CPNE5: variants seen among roughly 807,000 people sequenced by gnomAD.
CPNE5 encodes the protein copine-5.
CPNE5 carries 42 observed loss-of-function variants against 81.1 expected under a neutral mutation model. The observed-to-expected ratio is 0.52, with a 90% confidence interval of 0.40 to 0.67. The LOEUF (loss-of-function observed/expected upper bound fraction) is 0.67, where lower values mean the gene tolerates loss of function less well. CPNE5 is among the 30% of genes least tolerant of loss of function. The pLI is 0.00. For synonymous variants in CPNE5, 313 were observed against 321.5 expected, an observed-to-expected ratio of 0.97 and a Z score of 0.28; for missense variants, 612 against 815.5, an observed-to-expected ratio of 0.75 and a Z score of 3.04.
rs565476351 is a variant in CPNE5 at position 36,810,617 on chromosome 6, G to A, written c.184-10547C>T. On this transcript the variant is annotated intron_variant, in intron 3 of 20. Coordinates refer to ENST00000244751, the MANE Select transcript of CPNE5 (RefSeq NM_020939.2). ...AGGGCCTGGGGAGGCGGAGGAGCAC[G>A]GAGGATCTGGCCATGCCAGGCCTGC... is the stretch of plus-strand genomic sequence containing the variant. Among the ~76,000 whole-genome samples the A allele has an allele frequency of 1.6e-3, 249 of 152,304 alleles. 1 individual carries two copies. Among genetic ancestry groups the A allele is most frequent in the African/African-American group, 5.3e-3 (219 of 41,570 alleles).
chr6:36,782,981 A>G (rs1025082915), intron 8 of CPNE5, among the ~76,000 whole-genome samples: 25 of 152,094 alleles, frequency 1.6e-4, no homozygotes, highest in African/African-American at 5.6e-4. Flanking sequence ...GTAATGTAGA[A>G]GAATAGCGCC....
intron 1 of CPNE5, among the ~76,000 whole-genome samples, chr6:36,837,042 A>C (rs1008791865): frequency 6.6e-6 from 1 of 152,218 alleles, no homozygotes; most frequent in Non-Finnish European, 1.5e-5. Context: ...AAGGCCTCTT[A>C]TGCAAGAGGT....
At chr6:36,792,486 A>C in intron 7 of CPNE5, 1 of 964,972 alleles carries the variant, frequency 1.0e-6, no homozygotes, top group Non-Finnish European at 1.5e-6. Flanking sequence ...ACCCCACCTC[A>C]CACCCAGCTG....
chr6:36,748,101 C>A, intron 15 of CPNE5, 120 bp downstream of exon 15: 1 of 909,508 alleles, frequency 1.1e-6, no homozygotes, highest in Non-Finnish European at 1.8e-6. Flanking sequence ...CTAGGTACAT[C>A]CTCTTTGGTG....
At chr6:36,828,308 C>CAAAAAAAAAA (rs11444450) in intron 1 of CPNE5, among the ~76,000 whole-genome samples, 7 of 78,648 alleles carry the variant, frequency 8.9e-5, no homozygotes, top group African/African-American at 2.4e-4. Flanking sequence ...AACAACAAAC[C>CAAAAAAAAAA]AAAAAAAAAA....
chr6:36,752,061 C>T (rs1469119150), intron 14 of CPNE5, among the ~76,000 whole-genome samples: 1 of 151,990 alleles, frequency 6.6e-6, no homozygotes, highest in Non-Finnish European at 1.5e-5. Flanking sequence ...AGCCTTGAGA[C>T]TGCAAGCTCA....
chr6:36,750,624 C>G (rs1279485004), intron 14 of CPNE5, among the ~76,000 whole-genome samples: 1 of 152,220 alleles, frequency 6.6e-6, no homozygotes, highest in Non-Finnish European at 1.5e-5. Flanking sequence ...TTATGTGTTA[C>G]AGCAGTTGAC....
chr6:36,764,642 C>T (rs918680304), intron 11 of CPNE5, among the ~76,000 whole-genome samples: 1 of 152,088 alleles, frequency 6.6e-6, no homozygotes, highest in African/African-American at 2.4e-5. Context: ...TGCTCTTGTC[C>T]TCCTCTATGG....
chr6:36,802,596 C>T (rs1770223461), intron 3 of CPNE5, among the ~76,000 whole-genome samples: 1 of 98,896 alleles, frequency 1.0e-5, no homozygotes, highest in Non-Finnish European at 2.4e-5. Flanking sequence ...GGCATTAATC[C>T]TTCTTAATAA....
chr6:36,819,896 TC>T (rs1771892005), intron 3 of CPNE5, among the ~76,000 whole-genome samples: 1 of 151,930 alleles, frequency 6.6e-6, no homozygotes, highest in African/African-American at 2.4e-5. Flanking sequence ...AAATCCCCTC[TC>T]CCCCCATTCT....
In CPNE5 at chr6:36,766,022, G is replaced by A. The variant is rs1426956909; in HGVS notation, c.738-646C>T. ...GAGAGCCCATTTTATTTTTAGCCAC[G>A]TTCCCATGGCAACAGGCTAGCGGAC... On this transcript the variant is annotated intron_variant, in intron 10 of 20. Coordinates refer to ENST00000244751, the MANE Select transcript of CPNE5 (RefSeq NM_020939.2). The surrounding 1 kb of genome is among the most constrained non-coding windows in gnomAD (Gnocchi z 4.2). Among the ~76,000 whole-genome samples the A allele has an allele frequency of 6.6e-6, 1 of 152,164 alleles. No individual in the cohort carries two copies. Among genetic ancestry groups the A allele is most frequent in the Non-Finnish European group, 1.5e-5 (1 of 68,026 alleles).
At chr6:36,749,373 G>C (rs1259056810) in intron 14 of CPNE5, among the ~76,000 whole-genome samples, 1 of 152,118 alleles carries the variant, frequency 6.6e-6, no homozygotes, top group East Asian at 1.9e-4. Context: ...CTGGATTTCT[G>C]ACTCAAACAA....
rs942602904 is a variant in CPNE5 at position 36,822,101 on chromosome 6, G to T, written c.183+13C>A. 4 of 1,534,314 alleles carry T rather than the reference G, an allele frequency of 2.6e-6. No individual in the cohort carries two copies. The African/African-American group carries it at 5.5e-5, about 21-fold the overall frequency. On this transcript the variant is annotated intron_variant, in intron 3 of 20. Coordinates refer to ENST00000244751, the MANE Select transcript of CPNE5 (RefSeq NM_020939.2). ...AGGCTGGTGTTTCTGGTGTGGGAAG[G>T]AGCTGCACCTACCTCCCGCCACTGC...
intron 7 of CPNE5, 154 bp from the exon 8 acceptor site, chr6:36,792,250 C>A: frequency 7.7e-7 from 1 of 1,299,040 alleles, no homozygotes; most frequent in Non-Finnish European, 1.1e-6. Context: ...CTCCTGAGAT[C>A]CTTGTGGCAG....
At chr6:36,801,437 C>T (rs551538165) in intron 3 of CPNE5, among the ~76,000 whole-genome samples, 13 of 152,282 alleles carry the variant, frequency 8.5e-5, no homozygotes, top group South Asian at 8.3e-4. Context: ...CCCCTGGAGG[C>T]TCCATAGGCC....
chr6:36,830,835 C>T (rs1332697708), intron 1 of CPNE5, among the ~76,000 whole-genome samples: 2 of 152,118 alleles, frequency 1.3e-5, no homozygotes, highest in African/African-American at 2.4e-5. Context: ...TCCTCTCTTT[C>T]CCTTATTCCC....
Position 36,827,491 on chromosome 6 carries a change from G to A in CPNE5, c.96-4393C>T, listed in dbSNP as rs956983594. The A allele has an allele frequency of 1.6e-5, 16 of 985,268 alleles. No homozygotes were observed. In the South Asian group the frequency reaches 1.9e-4, roughly 12 times the overall value. The allele number at this position is 985,268 out of a possible 1,614,324, so 61.0% of individuals were successfully genotyped here. A position where few individuals can be genotyped will look rare whatever the true frequency, so the allele number is the denominator to read the frequency against. ...AGAGGCCATGTTTATCCAAGTGGCC[G>A]CCAGAGATCCCCCTATTATGTCTCT... On this transcript the variant is annotated intron_variant, in intron 1 of 20. Transcript: ENST00000244751.
chr6:36,817,223 G>A (rs1771621167), intron 3 of CPNE5, among the ~76,000 whole-genome samples: 1 of 152,184 alleles, frequency 6.6e-6, no homozygotes. Flanking sequence ...TACTCGGGAG[G>A]CTGAGACAGG....
intron 9 of CPNE5, among the ~76,000 whole-genome samples, chr6:36,777,953 C>T (rs993966847): frequency 6.6e-6 from 1 of 152,092 alleles, no homozygotes; most frequent in Non-Finnish European, 1.5e-5. Flanking sequence ...TCCTTTAAAA[C>T]CCGCTTCCAA....
Sources: gnomAD v4.1 joint callset for allele counts (sites outside exome capture counted in the v4.1 genomes callset) on GRCh38, gnomAD v4.1.1 for gene constraint, Gnocchi (gnomAD v3.1) non-coding constraint, MANE v1.5 for transcripts, NCBI Gene and HGNC (gene_info 2026-07-23, HGNC 2026-07-21) for gene names.